The following NCOA2 variants were observed in gnomAD, a reference collection of about 807,000 sequenced individuals.
NCOA2 encodes the protein nuclear receptor coactivator 2.
NCOA2 carries 21 observed loss-of-function variants against 145.1 expected under a neutral mutation model. That is an observed-to-expected ratio of 0.14 (90% CI 0.10 to 0.21). The LOEUF (loss-of-function observed/expected upper bound fraction) is 0.21. Among genes scored for constraint, NCOA2 ranks in the 10% least tolerant of loss-of-function variants. The pLI, the probability that NCOA2 is intolerant of heterozygous loss-of-function variation, is 1.00. For missense variants in NCOA2, 1,472 were observed against 1,837.6 expected, an observed-to-expected ratio of 0.80 and a Z score of 3.64; for synonymous variants, 619 against 637.5, an observed-to-expected ratio of 0.97 and a Z score of 0.44.
upstream of NCOA2, among the ~76,000 whole-genome samples, chr8:70,404,800 A>AT (rs1410832391): frequency 6.6e-6 from 1 of 152,154 alleles, no homozygotes; most frequent in African/African-American, 2.4e-5. Context: ...GAGAACCCCC[A>AT]TTTAAGTGTT....
chr8:70,124,531 A>G (rs1171431073), intron 20 of NCOA2, among the ~76,000 whole-genome samples, 157 bp downstream of exon 20: 1 of 152,130 alleles, frequency 6.6e-6, no homozygotes, highest in Non-Finnish European at 1.5e-5. Flanking sequence ...CCAATTTATG[A>G]TAGAAATTGC....
chr8:70,287,731 T>C (rs1232403982), intron 2 of NCOA2, among the ~76,000 whole-genome samples: 4 of 152,238 alleles, frequency 2.6e-5, no homozygotes, highest in Non-Finnish European at 5.9e-5. Context: ...TCATGTCTGA[T>C]AAAATAGGCA....
upstream of NCOA2, chr8:70,403,943 G>C: frequency 2.7e-6 from 1 of 376,674 alleles, no homozygotes; most frequent in Non-Finnish European, 4.7e-6. Flanking sequence ...GGGCTCGGGA[G>C]CCAGGCCGTC....
intron 1 of NCOA2, among the ~76,000 whole-genome samples, chr8:70,300,664 T>A (rs960082124): frequency 6.6e-6 from 1 of 152,194 alleles, no homozygotes; most frequent in Non-Finnish European, 1.5e-5. Flanking sequence ...ATTTATTTTT[T>A]AAGTGAATGG....
At chr8:70,174,893 T>G in intron 4 of NCOA2, 34 bp from the exon 5 acceptor site, 4 of 1,573,946 alleles carry the variant, frequency 2.5e-6, no homozygotes, top group Non-Finnish European at 3.5e-6. Context: ...TAAATGGCAG[T>G]GCTATTTCAA....
At chr8:70,183,593 T>G (rs1043501679) in intron 4 of NCOA2, among the ~76,000 whole-genome samples, 5 of 152,294 alleles carry the variant, frequency 3.3e-5, no homozygotes, top group Middle Eastern at 3.4e-3. Flanking sequence ...TCCCCCCAAA[T>G]GCATCACATT....
intron 22 of NCOA2, among the ~76,000 whole-genome samples, chr8:70,116,685 A>AT: frequency 6.6e-6 from 1 of 152,344 alleles, no homozygotes; most frequent in Middle Eastern, 3.4e-3. Flanking sequence ...ACTTCCGGTT[A>AT]TTTCTGATGA....
chr8:70,324,245 G>A (rs1239933523), intron 1 of NCOA2, among the ~76,000 whole-genome samples: 3 of 152,178 alleles, frequency 2.0e-5, no homozygotes, highest in Non-Finnish European at 4.4e-5. Flanking sequence ...AAAATGCAGT[G>A]CAAATTTCAT....
chr8:70,415,174 T>C, the NCOA2 span, among the ~76,000 whole-genome samples: 1 of 151,968 alleles, frequency 6.6e-6, no homozygotes, highest in Non-Finnish European at 1.5e-5. Context: ...CTGAGTTTTT[T>C]ATTTTTTTTT....
chr8:70,431,120 A>G, the NCOA2 span, among the ~76,000 whole-genome samples: 1 of 152,162 alleles, frequency 6.6e-6, no homozygotes, highest in East Asian at 1.9e-4. Context: ...ATATATGCAG[A>G]TAAGTAAAGA....
chr8:70,124,952 T>C (rs1272030663), intron 19 of NCOA2, 87 bp from the exon 20 acceptor site: 4 of 1,178,374 alleles, frequency 3.4e-6, no homozygotes, highest in Non-Finnish European at 4.7e-6. Context: ...CATTCCAAAT[T>C]AGGCATGCAT....
chr8:70,141,012 A>T lies in NCOA2; in HGVS notation c.3028+172T>A, dbSNP rs1455622261. ...AGTTGGGTCTCTTATATGACTGAAG[A>T]ACTTTTGAGATTCTAATTCCATACA... is the stretch of plus-strand genomic sequence containing the variant. On this transcript the variant is annotated intron_variant, in intron 14 of 22. Transcript: ENST00000452400. Among the ~76,000 whole-genome samples, 3 of 152,142 alleles carry T rather than the reference A, an allele frequency of 2.0e-5. No homozygotes were observed. In the East Asian group the frequency reaches 5.8e-4, roughly 29 times the overall value.
In NCOA2 at chr8:70,121,303, C is replaced by T. The variant is rs772267943; in HGVS notation, c.4382G>A (p.Arg1461Gln). The T allele has an allele frequency of 9.3e-6, 15 of 1,611,288 alleles. No individual in the cohort carries two copies. The highest frequency in any genetic ancestry group is 3.3e-5 in the Admixed American group (2 of 59,770). The change falls in exon 22 of 23, where the codon CGG (arginine) becomes CAG (glutamine). Residue 1461 changes from arginine to glutamine, a missense_variant and splice_region_variant. By Grantham distance (43) the Arg-to-Gln change is conservative. Around this residue, in one of 4 missense-constraint regions of NCOA2, gnomAD observed 232 missense variants for 290.6 expected, o/e 0.80. Coordinates refer to ENST00000452400, the MANE Select transcript of NCOA2 (RefSeq NM_006540.4). ...DMIKQEGDTT[R>Q]KYC is the part of the protein sequence containing the mutation. Reference sequence around the variant, plus strand: ...ATATATTTCACTGTTCTTTCTTACCCGTGTTGTGTCTCCCTCCTGCTTAAT... The same window carrying T: ...ATATATTTCACTGTTCTTTCTTACCTGTGTTGTGTCTCCCTCCTGCTTAAT...
intron 14 of NCOA2, among the ~76,000 whole-genome samples, chr8:70,139,318 G>C: frequency 6.6e-6 from 1 of 152,198 alleles, no homozygotes; most frequent in East Asian, 1.9e-4. Flanking sequence ...CAGCTCAAGA[G>C]CCAGATGCTC....
intron 9 of NCOA2, 93 bp downstream of exon 9, chr8:70,162,618 C>A (rs1813157818): frequency 1.5e-6 from 2 of 1,334,642 alleles, no homozygotes; most frequent in African/African-American, 2.9e-5. Flanking sequence ...AGAACAGTCA[C>A]CAGCTCTGTT....
intron 5 of NCOA2, among the ~76,000 whole-genome samples, chr8:70,173,771 C>A (rs1008428804): frequency 3.3e-5 from 5 of 151,996 alleles, no homozygotes; most frequent in Admixed American, 2.0e-4. Context: ...GTGTGCCCCC[C>A]CTCCGCCCTG....
At position 70,200,879 on chromosome 8, in the gene NCOA2, G is replaced by A. The variant is rs148347713; in HGVS notation, c.259+13024C>T. ...TCAAGGCCAACCTGTGCAACATAGC[G>A]AGAACTCAACACTACCAAAAAAGTC... On this transcript the variant is annotated intron_variant, in intron 4 of 22. Transcript: ENST00000452400. Among the ~76,000 whole-genome samples, 169 of 151,778 alleles carry A rather than the reference G, an allele frequency of 1.1e-3. 1 individual carries two copies. Among genetic ancestry groups the A allele is most frequent in the African/African-American group, 3.3e-3 (135 of 41,386 alleles).
intron 4 of NCOA2, among the ~76,000 whole-genome samples, chr8:70,195,558 A>G (rs1817206992): frequency 6.6e-6 from 1 of 152,198 alleles, no homozygotes; most frequent in Admixed American, 6.5e-5. Flanking sequence ...AATGTACAAT[A>G]TAAAATTTTC....
At chr8:70,233,834 C>A (rs998038351) in intron 2 of NCOA2, among the ~76,000 whole-genome samples, 1 of 152,108 alleles carries the variant, frequency 6.6e-6, no homozygotes, top group African/African-American at 2.4e-5. Flanking sequence ...TCATTCATCT[C>A]TATTTTAAAA....
Sources: allele counts gnomAD v4.1 joint callset (sites outside exome capture counted in the v4.1 genomes callset), GRCh38; gene constraint gnomAD v4.1.1; regional missense constraint gnomAD v4.1.1; transcripts MANE v1.5; gene names NCBI Gene and HGNC (gene_info 2026-07-23, HGNC 2026-07-21).